The following LIMS1 variants were observed in gnomAD, a reference collection of about 807,000 sequenced individuals.
The protein encoded by LIMS1 is LIM zinc finger domain containing 1.
LIMS1 carries 18 observed loss-of-function variants against 44.1 expected under a neutral mutation model. The ratio of observed to expected loss-of-function variants is 0.41; its 90% CI spans 0.28 to 0.61. The LOEUF (loss-of-function observed/expected upper bound fraction) is 0.61. LIMS1 is among the 20% of genes least tolerant of loss of function. LIMS1 has a pLI of 0.32. For synonymous variants in LIMS1, 93 were observed against 149.1 expected, an observed-to-expected ratio of 0.62 and a Z score of 2.74; for missense variants, 201 against 422.0, an observed-to-expected ratio of 0.48 and a Z score of 4.59.
At chr2:108,616,600 G>T (rs547504449) in intron 1 of LIMS1, among the ~76,000 whole-genome samples, 2 of 152,276 alleles carry the variant, frequency 1.3e-5, no homozygotes, top group African/African-American at 2.4e-5. Context: ...AGAGGGGCTT[G>T]TAGACAGTTG....
At chr2:108,575,162 A>G (rs1252070319) in intron 1 of LIMS1, among the ~76,000 whole-genome samples, 1 of 149,064 alleles carries the variant, frequency 6.7e-6, no homozygotes, top group African/African-American at 2.5e-5. Flanking sequence ...AACTTCTCTC[A>G]CCCTTTTTTT....
intron 1 of LIMS1, among the ~76,000 whole-genome samples, chr2:108,636,775 A>C (rs1284907963): frequency 1.3e-5 from 2 of 152,186 alleles, no homozygotes; most frequent in Non-Finnish European, 2.9e-5. Flanking sequence ...CAAAAACCAT[A>C]GCTTCATTCC....
intron 1 of LIMS1, among the ~76,000 whole-genome samples, chr2:108,568,893 CGTT>C (rs987643635): frequency 2.0e-5 from 3 of 151,670 alleles, no homozygotes; most frequent in Non-Finnish European, 2.9e-5. Context: ...TTTTTTTTGG[CGTT>C]GTTCTTTTTT....
At chr2:108,613,977 C>T (rs1287149034) in intron 1 of LIMS1, among the ~76,000 whole-genome samples, 1 of 152,054 alleles carries the variant, frequency 6.6e-6, no homozygotes, top group Non-Finnish European at 1.5e-5. Flanking sequence ...ATACCAGTGT[C>T]CCCTACTCGA....
At chr2:108,661,800 G>A (rs902187556) in intron 2 of LIMS1, among the ~76,000 whole-genome samples, 2 of 152,116 alleles carry the variant, frequency 1.3e-5, no homozygotes, top group African/African-American at 4.8e-5. Context: ...GACTCCCAAG[G>A]CACATTGAAG....
intron 1 of LIMS1, among the ~76,000 whole-genome samples, chr2:108,542,455 A>T (rs1684345173): frequency 6.6e-6 from 1 of 152,170 alleles, no homozygotes; most frequent in African/African-American, 2.4e-5. Flanking sequence ...GAGGTTAAGA[A>T]CTCACCAAGT....
chr2:108,568,064 A>G (rs1035716139), intron 1 of LIMS1, among the ~76,000 whole-genome samples: 5 of 152,156 alleles, frequency 3.3e-5, no homozygotes, highest in Non-Finnish European at 7.3e-5. Context: ...TATTTATTTC[A>G]GTGCTTAATA....
At chr2:108,606,682 A>C (rs1347989400) in intron 1 of LIMS1, among the ~76,000 whole-genome samples, 5 of 152,216 alleles carry the variant, frequency 3.3e-5, no homozygotes, top group Non-Finnish European at 7.3e-5. Flanking sequence ...GCAACAAAAT[A>C]GATTTGTCTA....
At chr2:108,592,148 C>T (rs1461016542) in intron 1 of LIMS1, among the ~76,000 whole-genome samples, 1 of 151,904 alleles carries the variant, frequency 6.6e-6, no homozygotes, top group Non-Finnish European at 1.5e-5. Flanking sequence ...TGGGTCTTGC[C>T]CAAAAGTTAG....
chr2:108,545,329 G>T (rs1028907207), intron 1 of LIMS1, among the ~76,000 whole-genome samples: 3 of 152,182 alleles, frequency 2.0e-5, no homozygotes, highest in African/African-American at 7.2e-5. Context: ...CGCCTCCCGG[G>T]TTCAAGGGAT....
At chr2:108,644,947 A>AG (rs1689960813) in intron 1 of LIMS1, among the ~76,000 whole-genome samples, 1 of 152,034 alleles carries the variant, frequency 6.6e-6, no homozygotes, top group Non-Finnish European at 1.5e-5. Context: ...ACAAGATTAG[A>AG]GGGAAAAAAG....
At chr2:108,646,431 A>G (rs1298035207) in intron 1 of LIMS1, among the ~76,000 whole-genome samples, 1 of 152,250 alleles carries the variant, frequency 6.6e-6, no homozygotes, top group Non-Finnish European at 1.5e-5. Flanking sequence ...TTTGAAACCA[A>G]TGAGAACAAA....
At chr2:108,654,662 C>T (rs574395746) in intron 1 of LIMS1, 2 of 222,630 alleles carry the variant, frequency 9.0e-6, no homozygotes, top group South Asian at 1.1e-4. Flanking sequence ...CTCTTATGCC[C>T]TCCAGAGTGA....
At chr2:108,601,717 A>G (rs1026304168) in intron 1 of LIMS1, among the ~76,000 whole-genome samples, 18 of 152,206 alleles carry the variant, frequency 1.2e-4, no homozygotes, top group African/African-American at 2.2e-4. Flanking sequence ...GGGTTTCGCC[A>G]TGTTGGCCAG....
At chr2:108,588,103 G>A (rs1686193943) in intron 1 of LIMS1, among the ~76,000 whole-genome samples, 1 of 152,174 alleles carries the variant, frequency 6.6e-6, no homozygotes, top group Admixed American at 6.5e-5. Context: ...TTGTCTGCAT[G>A]TTATATGTGC....
chr2:108,594,978 A>G lies in LIMS1; in HGVS notation c.32+60384A>G, dbSNP rs191351573. 1.3e-3 allele frequency among the ~76,000 whole-genome samples: 200 copies of G among 152,328 alleles called. No individual in the cohort carries two copies. The Middle Eastern group carries it at 0.027, about 21-fold the overall frequency. On this transcript the variant is annotated intron_variant, in intron 1 of 9. Coordinates refer to ENST00000544547, the Ensembl canonical transcript of LIMS1. ...CATTGAGAGGAATTATGGTGGGGCA[A>G]GAAAGCAGCTTCACCTGAGATGGAA...
chr2:108,621,261 A>T, intron 1 of LIMS1: 1 of 1,520,794 alleles, frequency 6.6e-7, no homozygotes, highest in Non-Finnish European at 8.9e-7. Flanking sequence ...AGGTGTGCTG[A>T]GGTCCCTCGG....
chr2:108,600,303 G>A (rs1407187409), intron 1 of LIMS1, among the ~76,000 whole-genome samples: 1 of 151,206 alleles, frequency 6.6e-6, no homozygotes, highest in Non-Finnish European at 1.5e-5. Context: ...TGCCCACCTC[G>A]GCCTCCCAAA....
At chr2:108,662,257 A>G (rs1691431163) in intron 2 of LIMS1, 7 of 1,612,084 alleles carry the variant, frequency 4.3e-6, no homozygotes, top group Non-Finnish European at 5.9e-6. Context: ...AGCTACCTTC[A>G]TTAAGCAGCA....
Sources: allele counts gnomAD v4.1 joint callset (sites outside exome capture counted in the v4.1 genomes callset), GRCh38; gene constraint gnomAD v4.1.1; transcripts MANE v1.5; gene names NCBI Gene and HGNC (gene_info 2026-07-23, HGNC 2026-07-21).